The following BMPER variants were observed in gnomAD, a reference collection of about 807,000 sequenced individuals.
BMPER encodes BMP binding endothelial regulator, also known as BMP-binding endothelial regulator protein.
A neutral mutation model predicts 87.3 loss-of-function variants in BMPER; 45 were observed. The observed-to-expected ratio is 0.52, with a 90% CI of 0.41 to 0.66. The LOEUF is 0.66. Ranked by LOEUF, BMPER falls within the 30% of genes least tolerant of loss-of-function variation. BMPER has a pLI of 0.00. For missense variants in BMPER, 784 were observed against 867.5 expected (o/e 0.90, Z 1.21); for synonymous variants, 326 against 316.2 (o/e 1.03, Z -0.33).
At chr7:33,943,710 G>A (rs1351657524) in intron 3 of BMPER, among the ~76,000 whole-genome samples, 1 of 152,214 alleles carries the variant, frequency 6.6e-6, no homozygotes, top group Non-Finnish European at 1.5e-5. Flanking sequence ...GATAGGGAAA[G>A]CTGGTGTCAC....
chr7:33,965,410 C>T (rs553890932), intron 3 of BMPER, among the ~76,000 whole-genome samples: 18 of 151,880 alleles, frequency 1.2e-4, no homozygotes, highest in Non-Finnish European at 2.4e-4. Flanking sequence ...TTTTTAACCA[C>T]AGCATTATCT....
intron 13 of BMPER, among the ~76,000 whole-genome samples, chr7:34,098,801 A>G (rs183709555): frequency 6.6e-6 from 1 of 152,284 alleles, no homozygotes; most frequent in African/African-American, 2.4e-5. Context: ...GCAGATACTG[A>G]CCCGTAGTTT....
chr7:33,967,035 A>T (rs1209761452), intron 4 of BMPER, among the ~76,000 whole-genome samples: 1 of 152,202 alleles, frequency 6.6e-6, no homozygotes, highest in Non-Finnish European at 1.5e-5. Flanking sequence ...CTGACAAATT[A>T]AAAAACCACC....
At chr7:34,092,838 T>C (rs1236564881) in intron 13 of BMPER, among the ~76,000 whole-genome samples, 2 of 152,224 alleles carry the variant, frequency 1.3e-5, no homozygotes, top group African/African-American at 4.8e-5. Flanking sequence ...TTTATCCAAG[T>C]CTAAAATCCT....
chr7:34,051,665 C>CT (rs1331056014), intron 7 of BMPER, among the ~76,000 whole-genome samples, 196 bp from the exon 8 acceptor site: 1 of 152,148 alleles, frequency 6.6e-6, no homozygotes, highest in Non-Finnish European at 1.5e-5. Context: ...GAATCAAACT[C>CT]TTTTTTAACA....
At chr7:34,022,781 G>A (rs1421047713) in intron 6 of BMPER, among the ~76,000 whole-genome samples, 1 of 150,958 alleles carries the variant, frequency 6.6e-6, no homozygotes, top group African/African-American at 2.4e-5. Context: ...CTCAAGCAAC[G>A]CCTTCCTTTT....
At chr7:33,989,523 T>A (rs1165018511) in intron 6 of BMPER, among the ~76,000 whole-genome samples, 1 of 152,208 alleles carries the variant, frequency 6.6e-6, no homozygotes, top group African/African-American at 2.4e-5. Context: ...TAGCCCTTTG[T>A]CAGATGAGTA....
chr7:34,124,449 GTTT>G (rs34998655), intron 13 of BMPER, among the ~76,000 whole-genome samples: 60 of 147,022 alleles, frequency 4.1e-4, no homozygotes, highest in Middle Eastern at 3.6e-3. Flanking sequence ...GCATTGTAAA[GTTT>G]TTTTTTTTTT....
At chr7:33,921,102 C>T (rs1784219451) in intron 2 of BMPER, among the ~76,000 whole-genome samples, 1 of 152,074 alleles carries the variant, frequency 6.6e-6, no homozygotes. Context: ...TTATTATAAC[C>T]CTTACTCCTC....
intron 13 of BMPER, among the ~76,000 whole-genome samples, chr7:34,118,367 G>T (rs1402358712): frequency 1.3e-5 from 2 of 152,110 alleles, no homozygotes; most frequent in South Asian, 4.2e-4. Context: ...AAAGAAAGTA[G>T]CTCACTCTTT....
intron 13 of BMPER, among the ~76,000 whole-genome samples, chr7:34,136,520 A>T (rs1298792298): frequency 6.6e-6 from 1 of 152,086 alleles, no homozygotes; most frequent in Non-Finnish European, 1.5e-5. Context: ...AGCTAACCAC[A>T]CTTCTGCTCA....
chr7:33,971,538 T>C (rs961605845), intron 5 of BMPER, among the ~76,000 whole-genome samples: 1 of 152,234 alleles, frequency 6.6e-6, no homozygotes, highest in Non-Finnish European at 1.5e-5. Context: ...GTTCTGTGTC[T>C]ATCAAGCAGA....
intron 7 of BMPER, among the ~76,000 whole-genome samples, chr7:34,049,549 G>T (rs113141633): frequency 3.9e-5 from 6 of 152,118 alleles, no homozygotes; most frequent in Admixed American, 3.9e-4. Flanking sequence ...AACTCTAAGC[G>T]GTAGAAGGGC....
At chr7:34,028,623 TTTTTTTTTTTG>T (rs1787438706) in intron 6 of BMPER, among the ~76,000 whole-genome samples, 1 of 135,228 alleles carries the variant, frequency 7.4e-6, no homozygotes, top group African/African-American at 3.0e-5. Context: ...TTTTTTTTTT[TTTTTTTTTTTG>T]TAGCATTACC....
At chr7:34,121,738 A>C (rs1790267843) in intron 13 of BMPER, among the ~76,000 whole-genome samples, 1 of 152,218 alleles carries the variant, frequency 6.6e-6, no homozygotes, top group Non-Finnish European at 1.5e-5. Flanking sequence ...TTCTCCTCTT[A>C]CTTTTCAATC....
chr7:34,058,886 C>CTG (rs1402739610), intron 10 of BMPER, among the ~76,000 whole-genome samples: 1 of 152,204 alleles, frequency 6.6e-6, no homozygotes, highest in Non-Finnish European at 1.5e-5. Context: ...CCTCCCTTCT[C>CTG]TGTTATAGAC....
chr7:34,080,764 C>T (rs181963346), intron 12 of BMPER, among the ~76,000 whole-genome samples: 1 of 152,296 alleles, frequency 6.6e-6, no homozygotes, highest in East Asian at 1.9e-4. Flanking sequence ...TCAACCACAG[C>T]CTAGTTCTCA....
intron 13 of BMPER, among the ~76,000 whole-genome samples, chr7:34,114,118 T>A (rs1790051768): frequency 1.3e-5 from 2 of 152,204 alleles, no homozygotes; most frequent in Non-Finnish European, 2.9e-5. Context: ...TGTGGCCATG[T>A]GTTTCACCCC....
At chr7:34,072,846 AG>A (rs1788771711) in intron 11 of BMPER, among the ~76,000 whole-genome samples, 1 of 152,156 alleles carries the variant, frequency 6.6e-6, no homozygotes, top group Admixed American at 6.5e-5. Flanking sequence ...AATTTTTAGT[AG>A]GGTAGGTTAT....
Sources: allele counts gnomAD v4.1 joint callset (sites outside exome capture counted in the v4.1 genomes callset), GRCh38; gene constraint gnomAD v4.1.1; transcripts MANE v1.5; gene names NCBI Gene and HGNC (gene_info 2026-07-23, HGNC 2026-07-21).